The following LIPC variants were observed in gnomAD, a reference collection of about 807,000 sequenced individuals.
The protein encoded by LIPC is hepatic triacylglycerol lipase.
Under a neutral mutation model 50.7 loss-of-function variants are expected in LIPC, and 44 were observed. The observed-to-expected ratio is 0.87, with a 90% confidence interval of 0.68 to 1.11. The LOEUF (loss-of-function observed/expected upper bound fraction) is 1.11, where lower values mean the gene tolerates loss of function less well. Among genes scored for constraint, LIPC ranks in the 50% most tolerant of loss-of-function variants. The pLI is 0.00. For missense variants in LIPC, 697 were observed against 648.2 expected, an observed-to-expected ratio of 1.08 and a Z score of -0.82; for synonymous variants, 271 against 256.4, an observed-to-expected ratio of 1.06 and a Z score of -0.54.
At chr15:58,509,601 A>G (rs4775064) in intron 1 of LIPC, among the ~76,000 whole-genome samples, 111,955 of 151,374 alleles carry the variant, frequency 0.74, 41,285 homozygotes, top group Middle Eastern at 0.82. Flanking sequence ...CACAATCTTT[A>G]TTCTTTTTTT....
intron 1 of LIPC, among the ~76,000 whole-genome samples, chr15:58,487,892 TA>T (rs1891432747): frequency 6.6e-6 from 1 of 152,114 alleles, no homozygotes; most frequent in Non-Finnish European, 1.5e-5. Context: ...GCAGGAAGGC[TA>T]AAGTCAGGAA....
intron 1 of LIPC, among the ~76,000 whole-genome samples, chr15:58,474,479 C>G (rs1165118041): frequency 7.0e-6 from 1 of 142,756 alleles, no homozygotes; most frequent in Non-Finnish European, 1.5e-5. Context: ...CCACTGCACT[C>G]AAACCTAGGC....
chr15:58,514,334 G>A (rs1157748269), intron 1 of LIPC, among the ~76,000 whole-genome samples: 1 of 152,216 alleles, frequency 6.6e-6, no homozygotes, highest in Non-Finnish European at 1.5e-5. Context: ...CAAAGCATTA[G>A]CAGTACCAGT....
chr15:58,436,625 TG>T, intron 1 of LIPC: 1 of 427,562 alleles, frequency 2.3e-6, no homozygotes, highest in South Asian at 1.7e-5. Context: ...TGATCCGTTC[TG>T]TGTGTCAAAT....
chr15:58,544,871 A>G lies in LIPC; in HGVS notation c.575-871A>G, dbSNP rs988369041. ...GACAGGGAAAAAAAACTTGGAGCGC[A>G]TAAATACTCCCCAACCACAGTCAGC... is the stretch of plus-strand genomic sequence containing the variant. On this transcript the variant is annotated intron_variant, in intron 4 of 8. Coordinates refer to ENST00000299022, the MANE Select transcript of LIPC (RefSeq NM_000236.3). 3.9e-5 allele frequency among the ~76,000 whole-genome samples: 6 copies of G among 152,172 alleles called. No individual in the cohort carries two copies. In the South Asian group the frequency reaches 6.2e-4, roughly 16 times the overall value.
At chr15:58,476,281 G>A (rs1220523136) in intron 1 of LIPC, among the ~76,000 whole-genome samples, 1 of 152,242 alleles carries the variant, frequency 6.6e-6, no homozygotes, top group Non-Finnish European at 1.5e-5. Flanking sequence ...AGCAGGCCAG[G>A]TTTTTCAGGC....
intron 1 of LIPC, among the ~76,000 whole-genome samples, chr15:58,469,311 T>C (rs1177206596): frequency 1.3e-5 from 2 of 152,090 alleles, no homozygotes; most frequent in Non-Finnish European, 1.5e-5. Flanking sequence ...AGGAATATAG[T>C]TTTTTGAGCA....
At chr15:58,443,781 G>A (rs1290991974) in intron 1 of LIPC, among the ~76,000 whole-genome samples, 3 of 152,202 alleles carry the variant, frequency 2.0e-5, no homozygotes, top group African/African-American at 7.2e-5. Context: ...AGTCAGCAAA[G>A]GGTGGTGGAT....
chr15:58,472,205 AGGTTGCAATGAGCAAAGAT>A (rs1327053313), intron 1 of LIPC, among the ~76,000 whole-genome samples: 1 of 141,874 alleles, frequency 7.0e-6, no homozygotes, highest in African/African-American at 2.6e-5. Flanking sequence ...TGGGAGGCAG[AGGTTGCAATGAGCAAAGAT>A]TGCACCATTG....
At chr15:58,532,751 C>T (rs536786167) in intron 1 of LIPC, among the ~76,000 whole-genome samples, 14 of 152,314 alleles carry the variant, frequency 9.2e-5, no homozygotes, top group African/African-American at 3.4e-4. Context: ...CCCTGGTTCT[C>T]TCCCATGGAA....
intron 1 of LIPC, among the ~76,000 whole-genome samples, chr15:58,454,142 C>T (rs1458037914): frequency 6.6e-6 from 1 of 152,192 alleles, no homozygotes; most frequent in Non-Finnish European, 1.5e-5. Context: ...CCTGTTCTCT[C>T]CCTGCTGTTT....
intron 1 of LIPC, among the ~76,000 whole-genome samples, chr15:58,459,270 TAGAC>T (rs1260672497): frequency 8.5e-5 from 13 of 152,138 alleles, no homozygotes; most frequent in African/African-American, 3.1e-4. Context: ...GGAAGTGACA[TAGAC>T]AGTGTCTTTT....
chr15:58,518,340 G>C (rs1367011523), intron 1 of LIPC, among the ~76,000 whole-genome samples: 3 of 152,214 alleles, frequency 2.0e-5, no homozygotes, highest in African/African-American at 7.2e-5. Flanking sequence ...CCACGTGTTT[G>C]AGAAAGCAGT....
At chr15:58,497,014 T>C (rs1252618136) in intron 1 of LIPC, among the ~76,000 whole-genome samples, 1 of 152,096 alleles carries the variant, frequency 6.6e-6, no homozygotes, top group East Asian at 1.9e-4. Context: ...TTGATGGACA[T>C]GATGAAGTCC....
At chr15:58,486,243 C>T (rs1015234288) in intron 1 of LIPC, among the ~76,000 whole-genome samples, 1 of 152,190 alleles carries the variant, frequency 6.6e-6, no homozygotes, top group Non-Finnish European at 1.5e-5. Context: ...GAGTCTCACC[C>T]AGAGCATCCC....
At position 58,541,945 on chromosome 15, in the gene LIPC, C is replaced by T. The variant is rs376664736; in HGVS notation, c.434C>T (p.Ala145Val). ...RNTRLVGKEV[A>V]ALLRWLEESV... is the part of the protein sequence containing the mutation. ...ACCCGCCTTGTGGGCAAGGAGGTCGCGGCTCTTCTCCGGTGGCTGGAGGTA... is the reference window on the plus strand; with the variant it reads ...ACCCGCCTTGTGGGCAAGGAGGTCGTGGCTCTTCTCCGGTGGCTGGAGGTA... The change falls in exon 3 of 9, where the codon GCG becomes GTG. Residue 145 changes from alanine (A) to valine (V), a missense_variant. Ala to Val is a moderately conservative substitution (Grantham distance 64). Coordinates refer to ENST00000299022, the MANE Select transcript of LIPC (RefSeq NM_000236.3). 3.8e-5 allele frequency: 62 copies of T among 1,610,498 alleles called. No homozygotes were observed. Among genetic ancestry groups the T allele is most frequent in the East Asian group, 4.5e-5 (2 of 44,794 alleles).
intron 8 of LIPC, among the ~76,000 whole-genome samples, chr15:58,564,323 C>T (rs1267659108): frequency 6.6e-6 from 1 of 151,946 alleles, no homozygotes; most frequent in Non-Finnish European, 1.5e-5. Flanking sequence ...TAAGAAACTC[C>T]AATGTAGAAC....
intron 4 of LIPC, among the ~76,000 whole-genome samples, chr15:58,543,209 G>T (rs944250341): frequency 1.3e-5 from 2 of 152,102 alleles, no homozygotes; most frequent in African/African-American, 4.8e-5. Flanking sequence ...TTCCTCCCAG[G>T]CTTCCGTGAC....
At chr15:58,432,274 A>G (rs909716659) in intron 1 of LIPC, 154 bp downstream of exon 1, 46 of 676,888 alleles carry the variant, frequency 6.8e-5, no homozygotes, top group Admixed American at 5.9e-4. Context: ...TCACAGGGAC[A>G]CGTAGCCGTT....
Sources: gnomAD v4.1 joint callset for allele counts (sites outside exome capture counted in the v4.1 genomes callset) on GRCh38, gnomAD v4.1.1 for gene constraint, MANE v1.5 for transcripts, NCBI Gene and HGNC (gene_info 2026-07-23, HGNC 2026-07-21) for gene names.